AGBL3: variants seen among roughly 807,000 people sequenced by gnomAD.
The protein encoded by AGBL3 is AGBL carboxypeptidase 3, also known as cytosolic carboxypeptidase 3.
Under a neutral mutation model 94.5 loss-of-function variants are expected in AGBL3, and 68 were observed. The observed-to-expected ratio is 0.72, with a 90% confidence interval of 0.59 to 0.88. The LOEUF (loss-of-function observed/expected upper bound fraction) is 0.88, where lower values mean the gene tolerates loss of function less well. AGBL3 is among the 40% of genes least tolerant of loss of function. AGBL3 has a pLI of 0.00. For synonymous variants in AGBL3, 354 were observed against 370.7 expected (o/e 0.95, Z 0.52); for missense variants, 934 against 1,103.8 (o/e 0.85, Z 2.18).
Position 135,034,862 on chromosome 7 carries a change from G to A in AGBL3, c.1271G>A (p.Arg424His), listed in dbSNP as rs566335317. The A allele has an allele frequency of 1.9e-5, 29 of 1,550,988 alleles. No homozygotes were observed. The highest frequency in any genetic ancestry group is 9.8e-5 in the East Asian group (4 of 40,924). ...RCSLAGRDLN[R>H]NYTSLLKESF... ...TCCTTAGCTGGACGGGATTTAAACC[G>A]TAATTATACATCTCTCCTGAAGGAA... Residue 424 changes from arginine to histidine, a missense_variant, in exon 7 of 17, where the codon CGT (arginine) becomes CAT (histidine). Physicochemically the swap from Arg to His is conservative, Grantham distance 29 (BLOSUM62 0). Coordinates refer to ENST00000436302, the MANE Select transcript of AGBL3 (RefSeq NM_178563.4).
At chr7:135,084,013 C>T (rs1821129758) in intron 15 of AGBL3, among the ~76,000 whole-genome samples, 1 of 152,106 alleles carries the variant, frequency 6.6e-6, no homozygotes, top group Non-Finnish European at 1.5e-5. Flanking sequence ...GCAGTTGGGG[C>T]CCAGCCCATC....
At chr7:135,058,405 T>C (rs1046951431) in intron 11 of AGBL3, among the ~76,000 whole-genome samples, 1 of 152,218 alleles carries the variant, frequency 6.6e-6, no homozygotes, top group Non-Finnish European at 1.5e-5. Flanking sequence ...TGACCCTTTT[T>C]TCTTGAGGTA....
chr7:135,099,506 T>G (rs1823438844), intron 15 of AGBL3, among the ~76,000 whole-genome samples: 1 of 152,238 alleles, frequency 6.6e-6, no homozygotes, highest in African/African-American at 2.4e-5. Context: ...AGATATTTTA[T>G]GGTATATTCT....
chr7:135,108,111 A>G (rs775297732), intron 15 of AGBL3, among the ~76,000 whole-genome samples: 1 of 152,102 alleles, frequency 6.6e-6, no homozygotes, highest in Non-Finnish European at 1.5e-5. Context: ...GTGTCACTGC[A>G]TGTGAGATGG....
At chr7:135,032,725 G>C in intron 5 of AGBL3, 119 bp from the exon 6 acceptor site, 4 of 876,046 alleles carry the variant, frequency 4.6e-6, no homozygotes, top group Non-Finnish European at 6.5e-6. Context: ...ATAAATTAGT[G>C]TCCAGTTACT....
intron 6 of AGBL3, among the ~76,000 whole-genome samples, chr7:135,033,392 C>A (rs985792270): frequency 2.0e-5 from 3 of 152,120 alleles, no homozygotes; most frequent in African/African-American, 7.2e-5. Flanking sequence ...TGGCCACATA[C>A]CTATCACCTA....
At chr7:135,052,640 G>C (rs1486170517) in intron 11 of AGBL3, among the ~76,000 whole-genome samples, 2 of 151,684 alleles carry the variant, frequency 1.3e-5, no homozygotes, top group Non-Finnish European at 2.9e-5. Flanking sequence ...TGTACCCTTA[G>C]TTTAGCTCCC....
At chr7:135,038,203 C>A (rs1816493187) in intron 8 of AGBL3, among the ~76,000 whole-genome samples, 1 of 152,106 alleles carries the variant, frequency 6.6e-6, no homozygotes, top group African/African-American at 2.4e-5. Flanking sequence ...TCTCAACCAA[C>A]AAATTCAATT....
chr7:135,106,955 T>C (rs1306358596), intron 15 of AGBL3, among the ~76,000 whole-genome samples: 1 of 152,184 alleles, frequency 6.6e-6, no homozygotes, highest in Non-Finnish European at 1.5e-5. Context: ...GGTGTATATA[T>C]CCAGGAATTT....
At chr7:134,996,772 G>C (rs7792318) in intron 4 of AGBL3, among the ~76,000 whole-genome samples, 2,171 of 152,074 alleles carry the variant, frequency 0.014, 47 homozygotes, top group African/African-American at 0.049. Flanking sequence ...TATTTTGGGG[G>C]TACATTCCCA....
rs1393280184 is a variant in AGBL3 at position 134,999,017 on chromosome 7, C to CTAT, written c.310+5339_310+5340insTAT. Among the ~76,000 whole-genome samples, 92 of 152,146 alleles carry CTAT rather than the reference C, an allele frequency of 6.0e-4. 1 individual carries two copies. The highest frequency in any genetic ancestry group is 1.3e-4 in the Non-Finnish European group (9 of 67,996). ...TGTCAGCCCTTCCTGCCTTTATCAC[C>CTAT]CCCTATTTTAGACAAAAAAAAAAGT... On this transcript the variant is annotated intron_variant, in intron 4 of 16. Coordinates refer to ENST00000436302, the MANE Select transcript of AGBL3 (RefSeq NM_178563.4).
At chr7:135,059,087 C>A in intron 11 of AGBL3, 82 bp from the exon 12 acceptor site, 2 of 1,101,880 alleles carry the variant, frequency 1.8e-6, no homozygotes, top group Middle Eastern at 2.0e-4. Flanking sequence ...TTCAACCATT[C>A]AAATAAGATA....
intron 15 of AGBL3, among the ~76,000 whole-genome samples, chr7:135,107,593 T>C (rs1422329256): frequency 6.6e-6 from 1 of 152,250 alleles, no homozygotes; most frequent in Non-Finnish European, 1.5e-5. Flanking sequence ...TTGGTTATGA[T>C]TTCAGTTCTT....
intron 4 of AGBL3, among the ~76,000 whole-genome samples, chr7:135,001,873 T>A (rs558110013): frequency 6.6e-5 from 10 of 152,202 alleles, no homozygotes; most frequent in Non-Finnish European, 1.2e-4. Flanking sequence ...TTTCTTGTCA[T>A]TTTGCATTTC....
rs1301582543 is a variant in AGBL3 at position 135,026,258 on chromosome 7, T to TTTTTTTTA, written c.419-6583_419-6582insTTTTATTT. Among the ~76,000 whole-genome samples the TTTTTTTTA allele has an allele frequency of 6.3e-4, 37 of 58,312 alleles. 1 individual carries two copies. The highest frequency in any genetic ancestry group is 7.3e-3 in the East Asian group (2 of 274). The allele number at this position is 58,312 out of a possible 152,430, so 38.3% of individuals were successfully genotyped here. ...AAATGAATACCATTATTTTATTTTA[T>TTTTTTTTA]TTTATTTTATTTTATTTTATTTTAT... On this transcript the variant is annotated intron_variant, in intron 5 of 16. Transcript: ENST00000436302.
Position 135,008,398 on chromosome 7 carries a change from A to C in AGBL3, c.311-8654A>C, listed in dbSNP as rs1812673832. Among the ~76,000 whole-genome samples, 2 of 152,126 alleles carry C rather than the reference A, an allele frequency of 1.3e-5. 1 individual carries two copies. The highest frequency in any genetic ancestry group is 4.1e-4 in the South Asian group (2 of 4,834). ...TCAATAGGAAGAGCATTGTCTTTTC[A>C]ACAAATGGCACCCAGACAACTGGAT... On this transcript the variant is annotated intron_variant, in intron 4 of 16. Coordinates refer to ENST00000436302, the MANE Select transcript of AGBL3 (RefSeq NM_178563.4).
chr7:135,078,253 A>G (rs962960389), intron 13 of AGBL3, among the ~76,000 whole-genome samples: 3 of 152,124 alleles, frequency 2.0e-5, no homozygotes, highest in South Asian at 4.1e-4. Context: ...TGTCATCCCA[A>G]GTGAATGTGG....
intron 12 of AGBL3, among the ~76,000 whole-genome samples, chr7:135,066,277 T>C (rs1467386304): frequency 2.0e-5 from 3 of 152,150 alleles, no homozygotes; most frequent in Non-Finnish European, 2.9e-5. Context: ...TACAACTTAA[T>C]AGCAAAAGAA....
At chr7:135,014,558 A>C (rs1813550688) in intron 4 of AGBL3, among the ~76,000 whole-genome samples, 1 of 152,188 alleles carries the variant, frequency 6.6e-6, no homozygotes, top group Admixed American at 6.5e-5. Flanking sequence ...CTTACCAACT[A>C]CTTAGGCTTT....
Sources: allele counts gnomAD v4.1 joint callset (sites outside exome capture counted in the v4.1 genomes callset), GRCh38; gene constraint gnomAD v4.1.1; transcripts MANE v1.5; gene names NCBI Gene and HGNC (gene_info 2026-07-23, HGNC 2026-07-21).